The following DCAF4 variants were observed in gnomAD, a reference collection of about 807,000 sequenced individuals.
DCAF4 encodes DDB1- and CUL4-associated factor 4.
A neutral mutation model predicts 60.9 loss-of-function variants in DCAF4; 37 were observed. The observed-to-expected ratio is 0.61, with a 90% CI of 0.47 to 0.80. The LOEUF is 0.80. DCAF4 is among the 30% of genes least tolerant of loss of function. The pLI, the probability that DCAF4 is intolerant of heterozygous loss-of-function variation, is 0.00. For missense variants in DCAF4, 577 were observed against 650.0 expected, an observed-to-expected ratio of 0.89 and a Z score of 1.22; for synonymous variants, 243 against 254.8, an observed-to-expected ratio of 0.95 and a Z score of 0.44.
Position 72,959,236 on chromosome 14 carries a change from G to GC in DCAF4, c.*432dup. 6.1e-6 allele frequency: 6 copies of GC among 989,462 alleles called. No individual in the cohort carries two copies. The highest frequency in any genetic ancestry group is 7.2e-6 in the Non-Finnish European group (6 of 832,626). The allele number at this position is 989,462 out of a possible 1,614,324, so 61.3% of individuals were successfully genotyped here. ...TAGCAGGAAGAAAGACCTGCATCCT[G>GC]CATCTGTACTTGGGGAAGCCAGCGG... is the stretch of plus-strand genomic sequence containing the variant. On this transcript the variant is annotated 3_prime_UTR_variant, in exon 14 of 14. Transcript: ENST00000358377.
At chr14:72,941,426 G>A (rs12885397) in intron 4 of DCAF4, among the ~76,000 whole-genome samples, 45,736 of 152,076 alleles carry the variant, frequency 0.3, 7,290 homozygotes, top group South Asian at 0.43. Context: ...CGGGTGGAAT[G>A]GAGAGTGGTG....
At chr14:72,953,721 AAAAAAAAAAAAATATATAT>A (rs1891759044) in intron 9 of DCAF4, among the ~76,000 whole-genome samples, 1 of 52,872 alleles carries the variant, frequency 1.9e-5, no homozygotes, top group Non-Finnish European at 3.3e-5. Context: ...AAAAAAAAAA[AAAAAAAAAAAAATATATAT>A]ATATATATAT....
intron 8 of DCAF4, among the ~76,000 whole-genome samples, chr14:72,948,694 C>G (rs1465189028): frequency 6.6e-6 from 1 of 152,182 alleles, no homozygotes; most frequent in Non-Finnish European, 1.5e-5. Flanking sequence ...CAGTGGCTCG[C>G]CCTCTGGTGG....
intron 13 of DCAF4, chr14:72,956,705 G>A (rs1892347562): frequency 2.0e-6 from 1 of 511,208 alleles, no homozygotes; most frequent in African/African-American, 1.9e-5. Context: ...CCACCAGGTG[G>A]ACAGCCTCAT....
At chr14:72,940,199 A>G (rs1350236907) in intron 3 of DCAF4, 21 bp from the exon 4 acceptor site, 3 of 1,613,746 alleles carry the variant, frequency 1.9e-6, no homozygotes, top group East Asian at 4.5e-5. Flanking sequence ...AAATTGGTGC[A>G]TTTAATTTTT....
At chr14:72,958,582 A>C (rs762671448) in intron 13 of DCAF4, 30 bp from the exon 14 acceptor site, 1 of 1,613,500 alleles carries the variant, frequency 6.2e-7, no homozygotes. Flanking sequence ...TTCTCTCACT[A>C]GCCTGCCATG....
intron 8 of DCAF4, among the ~76,000 whole-genome samples, chr14:72,949,630 C>A (rs1225625519): frequency 6.6e-6 from 1 of 151,978 alleles, no homozygotes. Context: ...TGGCACGCAC[C>A]CGTAATCCCA....
chr14:72,954,580 T>A, intron 11 of DCAF4, 97 bp downstream of exon 11: 1 of 1,092,876 alleles, frequency 9.2e-7, no homozygotes. Context: ...TCTAGTACTC[T>A]TTGACAGGGG....
chr14:72,956,143 G>T (rs958911260), intron 12 of DCAF4, among the ~76,000 whole-genome samples: 2 of 151,858 alleles, frequency 1.3e-5, no homozygotes, highest in Non-Finnish European at 1.5e-5. Context: ...GGCTGGTCTC[G>T]AACTCCTGAC....
chr14:72,958,593 T>C lies in DCAF4; in HGVS notation c.1295-19T>C, dbSNP rs1892592777. ...TGCATTCTCTCACTAGCCTGCCATG[T>C]GTCTCTCCTCTTTCCTAGTGGGCCA... On this transcript the variant is annotated intron_variant, in intron 13 of 13. Transcript: ENST00000358377. 2 of 1,613,866 alleles carry C rather than the reference T, an allele frequency of 1.2e-6. No homozygotes were observed. Among genetic ancestry groups the C allele is most frequent in the Non-Finnish European group, 1.7e-6 (2 of 1,179,912 alleles).
chr14:72,951,333 C>T (rs572024687), intron 8 of DCAF4, among the ~76,000 whole-genome samples: 2 of 152,216 alleles, frequency 1.3e-5, no homozygotes, highest in Non-Finnish European at 2.9e-5. Context: ...TGAAGCTGGC[C>T]AGTCACGATG....
chr14:72,930,417 C>T (rs1041993189), intron 1 of DCAF4, among the ~76,000 whole-genome samples: 2 of 152,008 alleles, frequency 1.3e-5, no homozygotes, highest in Non-Finnish European at 2.9e-5. Context: ...CACAGGCGCC[C>T]GCCACCACAC....
intron 9 of DCAF4, among the ~76,000 whole-genome samples, chr14:72,953,637 G>A (rs918202246): frequency 9.0e-5 from 13 of 144,026 alleles, no homozygotes; most frequent in African/African-American, 2.1e-4. Context: ...TTGAGCCTGG[G>A]AGGTTGAGGA....
chr14:72,929,581 T>G (rs1388132407), intron 1 of DCAF4: 3 of 920,130 alleles, frequency 3.3e-6, no homozygotes, highest in Non-Finnish European at 3.5e-6. Context: ...CAAGCTGTTC[T>G]TTATTTCAGG....
chr14:72,940,071 AG>A lies in DCAF4; in HGVS notation c.194-148del, dbSNP rs928805046. On this transcript the variant is annotated intron_variant, in intron 3 of 13. Transcript: ENST00000358377. ...AACCGCCTCCCCCAGGACTGAGCAC[AG>A]TCCAGGATGTTGCCTGACAAGGCAG... is the stretch of plus-strand genomic sequence containing the variant. The A allele has an allele frequency of 2.5e-5, 31 of 1,226,278 alleles. No individual in the cohort carries two copies. The African/African-American group carries it at 4.3e-4, about 17-fold the overall frequency. 76.0% of individuals were successfully genotyped at this position (1,226,278 alleles called of 1,614,324 possible). A position where few individuals can be genotyped will look rare whatever the true frequency, so the allele number is the denominator to read the frequency against.
chr14:72,960,669 A>C (rs1892784173), downstream of DCAF4: 1 of 1,065,298 alleles, frequency 9.4e-7, no homozygotes, highest in South Asian at 3.4e-5. Flanking sequence ...AAGGACAGAG[A>C]TACCTCAACA....
Position 72,946,025 on chromosome 14 carries a change from A to C in DCAF4, c.676A>C (p.Lys226Gln). 1 of 1,613,886 alleles carries C rather than the reference A, an allele frequency of 6.2e-7. No homozygotes were observed. The highest frequency in any genetic ancestry group is 1.1e-5 in the South Asian group (1 of 91,084). The change falls in exon 7 of 14, where the codon AAG becomes CAG. Residue 226 changes from lysine to glutamine, a missense_variant and splice_region_variant. Lys to Gln is a moderately conservative substitution (Grantham distance 53). Coordinates refer to ENST00000358377, the MANE Select transcript of DCAF4 (RefSeq NM_015604.4). Reference sequence around the variant, plus strand: ...CGAAAACCTCTACTTCACCAACCGGAAGGTACGTTGCCCATCCCTGTAGCC... The same window carrying C: ...CGAAAACCTCTACTTCACCAACCGGCAGGTACGTTGCCCATCCCTGTAGCC... Reference protein sequence around the residue: ...MHENLYFTNRKVNSVCWASLN... With the variant: ...MHENLYFTNRQVNSVCWASLN...
Position 72,959,072 on chromosome 14 carries a change from C to T in DCAF4, c.*267C>T. ...TATTGAATTCTTAGAACTTAGTTAA[C>T]CCTCCCTGCCTTTTCTTAACAAAAA... is the stretch of plus-strand genomic sequence containing the variant. On this transcript the variant is annotated 3_prime_UTR_variant, in exon 14 of 14. Coordinates refer to ENST00000358377, the MANE Select transcript of DCAF4 (RefSeq NM_015604.4). 3.5e-6 allele frequency: 4 copies of T among 1,155,716 alleles called. No individual in the cohort carries two copies. The highest frequency in any genetic ancestry group is 4.3e-6 in the Non-Finnish European group (4 of 939,002). 71.6% of individuals were successfully genotyped at this position (1,155,716 alleles called of 1,614,324 possible).
intron 2 of DCAF4, among the ~76,000 whole-genome samples, chr14:72,939,238 A>C (rs1392734522): frequency 6.6e-6 from 1 of 152,084 alleles, no homozygotes; most frequent in Non-Finnish European, 1.5e-5. Context: ...CCTTTACTAC[A>C]TCCTTCAGCC....
Sources: allele counts gnomAD v4.1 joint callset (sites outside exome capture counted in the v4.1 genomes callset), GRCh38; gene constraint gnomAD v4.1.1; transcripts MANE v1.5; gene names NCBI Gene and HGNC (gene_info 2026-07-23, HGNC 2026-07-21).